Variants in SUN1 observed in about 807,000 individuals in gnomAD.
SUN1 encodes Sad1 and UNC84 domain containing 1.
Under a neutral mutation model 103.2 loss-of-function variants are expected in SUN1, and 61 were observed. The observed-to-expected ratio is 0.59, with a 90% CI of 0.48 to 0.73. The LOEUF is 0.73. Among genes scored for constraint, SUN1 ranks in the 30% least tolerant of loss-of-function variants. SUN1 has a pLI of 0.00. For synonymous variants in SUN1, 490 were observed against 425.7 expected (o/e 1.15, Z -1.86); for missense variants, 1,052 against 1,034.6 (o/e 1.02, Z -0.23).
rs796400866 is a variant in SUN1 at position 855,844 on chromosome 7, A to T, written c.1351-514A>T. ...GCGCCTCCTCCTCTGTCCGCCCAAG[A>T]GGGTCCGCGGGGCGCCTCCTCCTGT... is the stretch of plus-strand genomic sequence containing the variant. On this transcript the variant is annotated intron_variant, in intron 11 of 18. Transcript: ENST00000401592. Among the ~76,000 whole-genome samples, 57 of 151,344 alleles carry T rather than the reference A, an allele frequency of 3.8e-4. 2 individuals carry two copies. Among genetic ancestry groups the T allele is most frequent in the African/African-American group, 1.3e-3 (55 of 41,114 alleles).
At chr7:829,433 G>A (rs530520136), upstream of SUN1, among the ~76,000 whole-genome samples, 8 of 152,256 alleles carry the variant, frequency 5.3e-5, 1 homozygote, top group African/African-American at 1.7e-4. Context: ...GGGGGCTCCC[G>A]CCTGCTGGCT....
chr7:843,895 C>G, intron 5 of SUN1: 1 of 1,226,980 alleles, frequency 8.2e-7, no homozygotes, highest in Non-Finnish European at 1.0e-6. Context: ...TCTGGTCTGT[C>G]CTGTGAAGAG....
chr7:842,008 A>G lies in SUN1; in HGVS notation c.329A>G (p.Gln110Arg). Reference protein sequence around the residue: ...SAFSINHVSRQVTSSGVSHGG... With the variant: ...SAFSINHVSRRVTSSGVSHGG... The stretch of plus-strand genomic sequence containing the variant: ...TTTAGTATCAACCACGTGTCAAGGC[A>G]GGTCACGTCCTCTGGCGTCAGCCAC... The change falls in exon 3 of 19, where the codon CAG (glutamine) becomes CGG (arginine). Residue 110 changes from glutamine (Q) to arginine (R), a missense_variant. This residue lies in a region of SUN1 where 846 missense variants were observed against 774.5 expected (regional missense o/e 1.09). Coordinates refer to ENST00000401592, the MANE Select transcript of SUN1 (RefSeq NM_001130965.3). 6.2e-7 allele frequency: 1 copy of G among 1,614,204 alleles called. No individual in the cohort carries two copies.
At chr7:839,097 G>A in intron 2 of SUN1, 111 bp downstream of exon 2, 1 of 1,137,124 alleles carries the variant, frequency 8.8e-7, no homozygotes. Flanking sequence ...AAGGATATGT[G>A]TGTGTATGTG....
At chr7:850,026 A>G (rs780429467) in intron 5 of SUN1, 1 of 1,590,126 alleles carries the variant, frequency 6.3e-7, no homozygotes, top group South Asian at 1.1e-5. Context: ...ACATCTGGGC[A>G]TGTGCAGGTT....
rs1351693034 is a variant in SUN1, at chr7:860,338, G to A, written c.1735G>A (p.Val579Met). 2 of 1,614,238 alleles carry A rather than the reference G, an allele frequency of 1.2e-6. No homozygotes were observed. The highest frequency in any genetic ancestry group is 4.5e-5 in the East Asian group (2 of 44,886). The change falls in exon 14 of 19, where the codon GTG (valine) becomes ATG (methionine). Residue 579 changes from valine to methionine, a missense_variant. Around this residue, in one of 2 missense-constraint regions of SUN1, gnomAD observed 846 missense variants for 774.5 expected, o/e 1.09. Transcript: ENST00000401592. ...TKQLPTSEAV[V>M]SAVSEAGASG... ...GCAGCTCCCAACCTCAGAAGCCGTG[G>A]TGTCTGCTGTGAGCGAGGCGGGGGC...
At chr7:835,042 G>T (rs1801656925) in intron 1 of SUN1, among the ~76,000 whole-genome samples, 1 of 152,220 alleles carries the variant, frequency 6.6e-6, no homozygotes, top group Non-Finnish European at 1.5e-5. Context: ...CGCCACTGCA[G>T]TCCAGCCTGG....
At position 841,982 on chromosome 7, in the gene SUN1, T is replaced by C; in HGVS notation, c.303T>C (p.Ala101=). 1 of 1,614,182 alleles carries C rather than the reference T, an allele frequency of 6.2e-7. No individual in the cohort carries two copies. Among genetic ancestry groups the C allele is most frequent in the East Asian group, 2.2e-5 (1 of 44,886 alleles). ...TKQRRSTNKS[A]FSINHVSRQV... ...AGCGCAGAAGCACAAACAAATCAGC[T>C]TTTAGTATCAACCACGTGTCAAGGC... The change falls in exon 3 of 19, where the codon GCT becomes GCC. Residue 101 remains alanine, a synonymous_variant. Transcript: ENST00000401592.
At chr7:854,835 C>T in intron 10 of SUN1, 85 bp from the exon 11 acceptor site, 3 of 903,326 alleles carry the variant, frequency 3.3e-6, no homozygotes, top group Non-Finnish European at 5.4e-6. Flanking sequence ...TGTCGGTATT[C>T]CGTGTAGAAA....
At chr7:843,265 T>G in intron 4 of SUN1, 33 bp downstream of exon 4, 1 of 1,606,546 alleles carries the variant, frequency 6.2e-7, no homozygotes. Context: ...CTTCATATAC[T>G]TTTCAAAATA....
At chr7:829,303 C>T (rs918190758), upstream of SUN1, among the ~76,000 whole-genome samples, 8 of 152,136 alleles carry the variant, frequency 5.3e-5, no homozygotes, top group African/African-American at 1.9e-4. Flanking sequence ...TAATTAGCAG[C>T]GATGTAATGG....
At chr7:865,893 A>G in intron 15 of SUN1, 59 bp from the exon 16 acceptor site, 1 of 1,368,522 alleles carries the variant, frequency 7.3e-7, no homozygotes, top group Non-Finnish European at 1.0e-6. Flanking sequence ...GTGGTGCAGT[A>G]CTATTGCTTC....
intron 9 of SUN1, 135 bp from the exon 10 acceptor site, chr7:853,274 T>A (rs1823942696): frequency 4.0e-6 from 4 of 1,007,984 alleles, no homozygotes; most frequent in Non-Finnish European, 4.4e-6. Flanking sequence ...ACTCCGGGTT[T>A]CTGTGGATTC....
At chr7:869,928 T>C (rs1362947020) in intron 17 of SUN1, among the ~76,000 whole-genome samples, 1 of 152,036 alleles carries the variant, frequency 6.6e-6, no homozygotes, top group Non-Finnish European at 1.5e-5. Context: ...AAAAATACAG[T>C]TGAGCCTGGA....
upstream of SUN1, among the ~76,000 whole-genome samples, chr7:827,496 G>A (rs561044038): frequency 1.9e-4 from 29 of 150,142 alleles, 1 homozygote; most frequent in East Asian, 5.7e-3. Flanking sequence ...TTGAGATGGG[G>A]TCACGCTCTG....
intron 18 of SUN1, 78 bp from the exon 19 acceptor site, chr7:873,137 G>T: frequency 7.7e-7 from 1 of 1,296,208 alleles, no homozygotes; most frequent in South Asian, 1.2e-5. Context: ...CCTGTCAGAC[G>T]TCATATTTGG....
intron 5 of SUN1, among the ~76,000 whole-genome samples, chr7:844,567 G>A (rs1030814063): frequency 1.3e-5 from 2 of 152,200 alleles, no homozygotes; most frequent in Non-Finnish European, 2.9e-5. Flanking sequence ...TGTCTGCTGT[G>A]GTGTTATGGA....
intron 1 of SUN1, among the ~76,000 whole-genome samples, chr7:825,342 A>G (rs921080007): frequency 1.3e-5 from 2 of 152,218 alleles, no homozygotes; most frequent in African/African-American, 4.8e-5. Flanking sequence ...GATTACAGGC[A>G]TGAGCCACCG....
rs372941964 is a variant in SUN1, at chr7:865,362, C to T, written c.1865-590C>T. 5.3e-5 allele frequency among the ~76,000 whole-genome samples: 8 copies of T among 152,330 alleles called. No homozygotes were observed. In the East Asian group the frequency reaches 5.8e-4, roughly 11 times the overall value. ...CTGACCTCAAGTGATCCACCGGCCTCGGCCTCCCAAAGTGCTGGGATTACA... is the reference window on the plus strand; with the variant it reads ...CTGACCTCAAGTGATCCACCGGCCTTGGCCTCCCAAAGTGCTGGGATTACA... On this transcript the variant is annotated intron_variant, in intron 15 of 18. Transcript: ENST00000401592.
Sources: allele counts gnomAD v4.1 joint callset (sites outside exome capture counted in the v4.1 genomes callset), GRCh38; gene constraint gnomAD v4.1.1; regional missense constraint gnomAD v4.1.1; transcripts MANE v1.5; gene names NCBI Gene and HGNC (gene_info 2026-07-23, HGNC 2026-07-21).